GRID2: variants seen among roughly 807,000 people sequenced by gnomAD.
The protein encoded by GRID2 is glutamate ionotropic receptor delta type subunit 2.
GRID2 carries 33 observed loss-of-function variants against 114.8 expected under a neutral mutation model. The observed-to-expected ratio is 0.29, with a 90% CI of 0.22 to 0.38. The LOEUF is 0.38. Among genes scored for constraint, GRID2 ranks in the 10% least tolerant of loss-of-function variants. The probability of loss-of-function intolerance (pLI) is 1.00; values close to 1 mark genes in which losing one functional copy is unlikely to be tolerated. For synonymous variants in GRID2, 505 were observed against 449.9 expected, an observed-to-expected ratio of 1.12 and a Z score of -1.55; for missense variants, 1,184 against 1,257.7, an observed-to-expected ratio of 0.94 and a Z score of 0.89.
chr4:93,465,320 C>T (rs1186346778), intron 11 of GRID2, among the ~76,000 whole-genome samples: 1 of 152,194 alleles, frequency 6.6e-6, no homozygotes, highest in African/African-American at 2.4e-5. Context: ...TTGATCTTTG[C>T]TTCAATAGAG....
At chr4:92,917,264 T>G (rs1748885153) in intron 2 of GRID2, among the ~76,000 whole-genome samples, 1 of 152,186 alleles carries the variant, frequency 6.6e-6, no homozygotes, top group Non-Finnish European at 1.5e-5. Context: ...ATATTAGCCC[T>G]TTGTCAGATG....
At chr4:93,141,534 A>G (rs1484362227) in intron 4 of GRID2, among the ~76,000 whole-genome samples, 1 of 152,232 alleles carries the variant, frequency 6.6e-6, no homozygotes, top group Non-Finnish European at 1.5e-5. Flanking sequence ...AAACTAAGGT[A>G]TACAGGGTAT....
At chr4:93,137,453 T>C (rs1343971456) in intron 4 of GRID2, among the ~76,000 whole-genome samples, 1 of 152,112 alleles carries the variant, frequency 6.6e-6, no homozygotes, top group Non-Finnish European at 1.5e-5. Context: ...GGACCTAATA[T>C]TTTAGGCCTA....
chr4:92,405,851 G>T (rs1731001440), intron 1 of GRID2, among the ~76,000 whole-genome samples: 1 of 151,992 alleles, frequency 6.6e-6, no homozygotes, highest in Non-Finnish European at 1.5e-5. Flanking sequence ...TAGAGGGACA[G>T]AACTAATAGG....
intron 2 of GRID2, among the ~76,000 whole-genome samples, chr4:93,066,292 G>A (rs1290912473): frequency 2.0e-5 from 3 of 151,936 alleles, no homozygotes; most frequent in Admixed American, 1.3e-4. Context: ...CACTACATCT[G>A]TTCATCTCAT....
At chr4:92,483,733 T>C (rs1250028312) in intron 1 of GRID2, among the ~76,000 whole-genome samples, 1 of 152,082 alleles carries the variant, frequency 6.6e-6, no homozygotes, top group Non-Finnish European at 1.5e-5. Context: ...ATGAAAGTCA[T>C]ATTTAGAAGT....
chr4:92,935,468 T>A (rs1750591737), intron 2 of GRID2, among the ~76,000 whole-genome samples: 1 of 146,526 alleles, frequency 6.8e-6, no homozygotes, highest in Non-Finnish European at 1.5e-5. Flanking sequence ...ATTGTGGAAG[T>A]CAGTGTGGCG....
intron 14 of GRID2, among the ~76,000 whole-genome samples, chr4:93,747,788 G>T (rs1446522766): frequency 6.7e-6 from 1 of 150,180 alleles, no homozygotes; most frequent in Non-Finnish European, 1.5e-5. Flanking sequence ...ATGTTGATTT[G>T]TTTTCCCCCC....
At chr4:93,620,383 C>G (rs998201308) in intron 13 of GRID2, among the ~76,000 whole-genome samples, 14 of 152,098 alleles carry the variant, frequency 9.2e-5, no homozygotes, top group African/African-American at 3.4e-4. Flanking sequence ...ATTAAAGATT[C>G]ATGTGAGAAA....
At chr4:92,740,734 A>AGATAGATG (rs1447395459) in intron 2 of GRID2, among the ~76,000 whole-genome samples, 1 of 119,162 alleles carries the variant, frequency 8.4e-6, no homozygotes, top group Non-Finnish European at 1.8e-5. Context: ...ATAGATAGAT[A>AGATAGATG]GATAGATGGA....
chr4:92,532,842 G>A (rs1221284545), intron 1 of GRID2, among the ~76,000 whole-genome samples: 1 of 152,084 alleles, frequency 6.6e-6, no homozygotes, highest in Non-Finnish European at 1.5e-5. Context: ...GGAGGCCGAG[G>A]CAGGAAGATT....
chr4:92,947,785 C>T (rs1187870669), intron 2 of GRID2, among the ~76,000 whole-genome samples: 2 of 151,610 alleles, frequency 1.3e-5, no homozygotes, highest in Non-Finnish European at 3.0e-5. Flanking sequence ...TAAAAGGGTG[C>T]ATTAGAATGG....
At chr4:92,454,744 G>A (rs895570355) in intron 1 of GRID2, among the ~76,000 whole-genome samples, 3 of 152,210 alleles carry the variant, frequency 2.0e-5, no homozygotes, top group African/African-American at 4.8e-5. Context: ...GCTGAGGCAG[G>A]AGAATGGCGC....
At chr4:93,458,283 T>C (rs1375336249) in intron 11 of GRID2, among the ~76,000 whole-genome samples, 1 of 152,192 alleles carries the variant, frequency 6.6e-6, no homozygotes, top group African/African-American at 2.4e-5. Flanking sequence ...AAATTTATTA[T>C]TGAAGCAAAA....
At chr4:92,516,193 A>G (rs1475016625) in intron 1 of GRID2, among the ~76,000 whole-genome samples, 2 of 151,928 alleles carry the variant, frequency 1.3e-5, no homozygotes, top group Non-Finnish European at 2.9e-5. Context: ...AAGACTGGCT[A>G]GTACATTTTG....
At chr4:93,058,973 C>T (rs748254003) in intron 2 of GRID2, among the ~76,000 whole-genome samples, 19 of 152,114 alleles carry the variant, frequency 1.2e-4, no homozygotes, top group South Asian at 2.1e-4. Context: ...TCTGTTCTGA[C>T]GCTGTATAAC....
In GRID2 at chr4:92,768,452, T is replaced by C. The variant is rs150024843; in HGVS notation, c.244+178166T>C. On this transcript the variant is annotated intron_variant, in intron 2 of 15. Coordinates refer to ENST00000282020, the MANE Select transcript of GRID2 (RefSeq NM_001510.4). ...AAACAAGTGTGGATGGCTTCCCCTT[T>C]ACTGAAATATGTTGTGCAAGTTCCT... Among the ~76,000 whole-genome samples, 8 of 152,316 alleles carry C rather than the reference T, an allele frequency of 5.3e-5. No homozygotes were observed. In the East Asian group the frequency reaches 1.5e-3, roughly 29 times the overall value.
chr4:92,986,029 G>A (rs2149195629), intron 2 of GRID2, among the ~76,000 whole-genome samples: 1 of 152,200 alleles, frequency 6.6e-6, no homozygotes, highest in East Asian at 1.9e-4. Context: ...AATTGAAAAT[G>A]TAGCACAGCC....
At chr4:93,381,205 C>T (rs959681218) in intron 8 of GRID2, among the ~76,000 whole-genome samples, 1 of 152,044 alleles carries the variant, frequency 6.6e-6, no homozygotes, top group African/African-American at 2.4e-5. Flanking sequence ...AACTGAAACT[C>T]TATACTTAGT....
Sources: gnomAD v4.1 joint callset for allele counts (sites outside exome capture counted in the v4.1 genomes callset) on GRCh38, gnomAD v4.1.1 for gene constraint, MANE v1.5 for transcripts, NCBI Gene and HGNC (gene_info 2026-07-23, HGNC 2026-07-21) for gene names.